Variants in DLC1 observed in about 807,000 individuals in gnomAD.
DLC1 encodes the protein DLC1 Rho GTPase activating protein, also known as rho GTPase-activating protein 7.
Under a neutral mutation model 140.3 loss-of-function variants are expected in DLC1, and 54 were observed. The ratio of observed to expected loss-of-function variants is 0.38; its 90% CI spans 0.31 to 0.48. The LOEUF (loss-of-function observed/expected upper bound fraction) is 0.48, where lower values mean the gene tolerates loss of function less well. DLC1 is among the 20% of genes least tolerant of loss of function. The pLI, the probability that DLC1 is intolerant of heterozygous loss-of-function variation, is 0.96. For missense variants in DLC1, 2,536 were observed against 1,907.0 expected, an observed-to-expected ratio of 1.33 and a Z score of -6.14; for synonymous variants, 986 against 728.1, an observed-to-expected ratio of 1.35 and a Z score of -5.70.
chr8:13,479,995 G>T lies in DLC1; in HGVS notation c.1023+19054C>A, dbSNP rs150034180. Among the ~76,000 whole-genome samples, 225 of 151,578 alleles carry T rather than the reference G, an allele frequency of 1.5e-3. 1 individual carries two copies. Among genetic ancestry groups the T allele is most frequent in the Non-Finnish European group, 2.4e-3 (163 of 67,840 alleles). ...GCATGAGGATCACTTGGGCCCAGGA[G>T]GTGGGGGCTGCAGTGAGCTATGTTC... On this transcript the variant is annotated intron_variant, in intron 2 of 17. Coordinates refer to ENST00000276297, the MANE Select transcript of DLC1 (RefSeq NM_182643.3).
At chr8:13,481,143 G>A (rs1047239689) in intron 2 of DLC1, among the ~76,000 whole-genome samples, 1 of 152,122 alleles carries the variant, frequency 6.6e-6, no homozygotes, top group African/African-American at 2.4e-5. Context: ...TCAACAAATA[G>A]GCTGGGTGCA....
intron 1 of DLC1, among the ~76,000 whole-genome samples, chr8:13,561,046 G>A (rs1250208132): frequency 6.6e-6 from 1 of 151,932 alleles, no homozygotes; most frequent in Non-Finnish European, 1.5e-5. Context: ...TTGTGTGCTA[G>A]TTCGTATTTC....
In DLC1 at chr8:13,304,107, G is replaced by C. The variant is rs993958570; in HGVS notation, c.1348+1162C>G. ...GTGAATTATGGGGACAGCTATGTAA[G>C]ATACTGGAGATTTAAAACTTTAAAT... is the stretch of plus-strand genomic sequence containing the variant. On this transcript the variant is annotated intron_variant, in intron 5 of 17. Transcript: ENST00000276297. 4.6e-5 allele frequency among the ~76,000 whole-genome samples: 7 copies of C among 152,140 alleles called. No homozygotes were observed. The East Asian group carries it at 1.2e-3, about 25-fold the overall frequency.
rs185915250 is a variant in DLC1 at position 13,084,684 on chromosome 8, A to G, written c.*1127T>C. ...ATAAAACCAGAAAACCTATTTGCTG[A>G]TAAGAACAAGCCCAATGAATAAACA... On this transcript the variant is annotated 3_prime_UTR_variant, in exon 18 of 18. Coordinates refer to ENST00000276297, the MANE Select transcript of DLC1 (RefSeq NM_182643.3). The G allele has an allele frequency of 6.6e-6, 1 of 152,268 alleles. No individual in the cohort carries two copies. Among genetic ancestry groups the G allele is most frequent in the Admixed American group, 6.5e-5 (1 of 15,292 alleles). 9.4% of individuals were successfully genotyped at this position (152,268 alleles called of 1,614,324 possible). A position where few individuals can be genotyped will look rare whatever the true frequency, so the allele number is the denominator to read the frequency against.
At chr8:13,169,677 T>C (rs1236558902) in intron 5 of DLC1, among the ~76,000 whole-genome samples, 3 of 152,172 alleles carry the variant, frequency 2.0e-5, no homozygotes, top group Non-Finnish European at 4.4e-5. Context: ...CTTTGTTTTT[T>C]AAAAAGTCTG....
rs114268104 is a variant in DLC1, at chr8:13,335,657, C to A, written c.1315-30355G>T. Among the ~76,000 whole-genome samples the A allele has an allele frequency of 9.4e-3, 1,434 of 152,248 alleles. 18 individuals carry two copies. The highest frequency in any genetic ancestry group is 0.032 in the African/African-American group (1,350 of 41,546). On this transcript the variant is annotated intron_variant, in intron 4 of 17. Transcript: ENST00000276297. ...ACCCCTGTCCTTCATAAGAGTAGAT[C>A]TCCAAGAAGTGTAGGATAATGTATA... is the stretch of plus-strand genomic sequence containing the variant.
At chr8:13,137,609 T>G (rs897772204) in intron 5 of DLC1, among the ~76,000 whole-genome samples, 2 of 151,168 alleles carry the variant, frequency 1.3e-5, no homozygotes, top group African/African-American at 4.9e-5. Flanking sequence ...TTTTGTTTTT[T>G]TTTTTTTTTG....
intron 1 of DLC1, among the ~76,000 whole-genome samples, chr8:13,556,660 A>T (rs1466159122): frequency 6.6e-6 from 1 of 152,188 alleles, no homozygotes; most frequent in Non-Finnish European, 1.5e-5. Context: ...ATACAGACAT[A>T]GGCTGGGCGC....
chr8:13,371,157 G>T (rs111309706), intron 4 of DLC1, among the ~76,000 whole-genome samples: 3,236 of 152,080 alleles, frequency 0.021, 61 homozygotes, highest in South Asian at 0.05. Flanking sequence ...TCTTTACTCT[G>T]TTTATCCAAT....
chr8:13,106,637 A>G (rs1486545573), intron 7 of DLC1, among the ~76,000 whole-genome samples: 3 of 152,214 alleles, frequency 2.0e-5, no homozygotes, highest in Admixed American at 2.0e-4. Flanking sequence ...GTGCCCGGCT[A>G]CGTGCTTACC....
rs1585321708 is a variant in DLC1, at chr8:13,602,307, C to T, written c.-126+2230G>A. Among the ~76,000 whole-genome samples the T allele has an allele frequency of 2.6e-5, 4 of 151,588 alleles. No homozygotes were observed. In the South Asian group the frequency reaches 8.3e-4, roughly 31 times the overall value. Reference sequence around the variant, plus strand: ...CAATCAATCAACTGCCATGTGTAGGCCTTATTTGGATGCTGATTTAAATAA... The same window carrying T: ...CAATCAATCAACTGCCATGTGTAGGTCTTATTTGGATGCTGATTTAAATAA... On this transcript the variant is annotated intron_variant, in intron 1 of 1. Coordinates refer to the DLC1 transcript ENST00000631382.
intron 1 of DLC1, among the ~76,000 whole-genome samples, chr8:13,504,166 G>A (rs1013730972): frequency 2.3e-5 from 3 of 132,772 alleles, no homozygotes; most frequent in Non-Finnish European, 4.6e-5. Context: ...CACTCTTGTT[G>A]CCCAGGCTGG....
At chr8:13,208,724 CCACACACACACATACACACAGACACACA>C in intron 5 of DLC1, among the ~76,000 whole-genome samples, 1 of 131,140 alleles carries the variant, frequency 7.6e-6, no homozygotes, top group East Asian at 2.1e-4. Context: ...GAAACACACA[CCACACACACACATACACACAGACACACA>C]CACACACACA....
intron 5 of DLC1, among the ~76,000 whole-genome samples, chr8:13,217,623 A>C (rs1828266654): frequency 6.6e-6 from 1 of 152,096 alleles, no homozygotes; most frequent in Non-Finnish European, 1.5e-5. Context: ...TTATGAGGTC[A>C]GGAGATCGAG....
At chr8:13,448,229 A>G (rs1475761108) in intron 2 of DLC1, among the ~76,000 whole-genome samples, 2 of 152,154 alleles carry the variant, frequency 1.3e-5, no homozygotes, top group Non-Finnish European at 2.9e-5. Flanking sequence ...TTACACTCAC[A>G]TGGAAAAAAG....
At chr8:13,579,637 T>G (rs59171708) in intron 1 of DLC1, among the ~76,000 whole-genome samples, 2 of 137,208 alleles carry the variant, frequency 1.5e-5, no homozygotes, top group Non-Finnish European at 3.0e-5. Context: ...TATAATATAT[T>G]TAATATATTA....
intron 2 of DLC1, among the ~76,000 whole-genome samples, chr8:13,472,104 C>G (rs774045258): frequency 3.3e-5 from 5 of 152,206 alleles, no homozygotes; most frequent in Non-Finnish European, 5.9e-5. Context: ...CTACATGAGG[C>G]AGTTCCTGGA....
rs371096417 is a variant in DLC1 at position 13,396,083 on chromosome 8, G to A, written c.1174-2390C>T. 6.2e-5 allele frequency among the ~76,000 whole-genome samples: 8 copies of A among 128,542 alleles called. 1 individual carries two copies. Among genetic ancestry groups the A allele is most frequent in the African/African-American group, 1.4e-4 (5 of 35,010 alleles). The allele number at this position is 128,542 out of a possible 152,430, so 84.3% of individuals were successfully genotyped here. On this transcript the variant is annotated intron_variant, in intron 3 of 17. Transcript: ENST00000276297. ...CTTTCTTTTTTTTTTTTTTTGAGAC[G>A]GAGTCTCACTCTGTTGCCCAGGCTG...
At chr8:13,126,632 T>A (rs766052343) in intron 5 of DLC1, among the ~76,000 whole-genome samples, 4 of 152,142 alleles carry the variant, frequency 2.6e-5, no homozygotes, top group African/African-American at 9.7e-5. Flanking sequence ...GATTATATAA[T>A]CCATTCCCTC....
Sources: gnomAD v4.1 joint callset for allele counts (sites outside exome capture counted in the v4.1 genomes callset) on GRCh38, gnomAD v4.1.1 for gene constraint, MANE v1.5 for transcripts, NCBI Gene and HGNC (gene_info 2026-07-23, HGNC 2026-07-21) for gene names.